The following KAT8 variants were observed in gnomAD, a reference collection of about 807,000 sequenced individuals.
KAT8 encodes histone acetyltransferase KAT8.
In KAT8, 40 loss-of-function variants were observed where a neutral mutation model predicts 62.9. The ratio of observed to expected loss-of-function variants is 0.64; its 90% CI spans 0.49 to 0.83. KAT8 has a LOEUF of 0.83. Ranked by LOEUF, KAT8 falls within the 40% of genes least tolerant of loss-of-function variation. KAT8 has a pLI of 0.00. For missense variants in KAT8, 387 were observed against 614.8 expected (o/e 0.63, Z 3.92); for synonymous variants, 278 against 254.5 (o/e 1.09, Z -0.88).
At chr16:31,129,506 G>T (rs532214293) in intron 6 of KAT8, among the ~76,000 whole-genome samples, 2 of 152,244 alleles carry the variant, frequency 1.3e-5, no homozygotes, top group Middle Eastern at 3.4e-3. Flanking sequence ...AAACCAGGGA[G>T]CCCCTTAGTG....
At chr16:31,129,465 G>A (rs928751206) in intron 6 of KAT8, among the ~76,000 whole-genome samples, 2 of 152,176 alleles carry the variant, frequency 1.3e-5, no homozygotes, top group Admixed American at 1.3e-4. Flanking sequence ...CACAGCTGCC[G>A]GGTTGGATGA....
chr16:31,119,920 A>G (rs888858541), intron 1 of KAT8, among the ~76,000 whole-genome samples: 2 of 151,394 alleles, frequency 1.3e-5, no homozygotes, highest in African/African-American at 4.9e-5. Context: ...GCCTCAAGTG[A>G]TCTGCCCATC....
At chr16:31,126,510 CAGG>C (rs1205932214) in intron 3 of KAT8, 1 of 162,732 alleles carries the variant, frequency 6.1e-6, no homozygotes, top group Admixed American at 6.0e-5. Flanking sequence ...ATGAGCAACC[CAGG>C]AGGAGGCGCA....
chr16:31,131,054 T>C, intron 10 of KAT8, 141 bp from the exon 11 acceptor site: 1 of 1,502,696 alleles, frequency 6.7e-7, no homozygotes, highest in Non-Finnish European at 8.9e-7. Context: ...ATTCCTGGGC[T>C]TCCCTACCCC....
At chr16:31,120,708 T>G (rs1596818107) in intron 3 of KAT8, 194 bp downstream of exon 3, 1 of 553,156 alleles carries the variant, frequency 1.8e-6, no homozygotes, top group East Asian at 2.9e-5. Flanking sequence ...AGGGCTTCGC[T>G]GCAGTCTCAC....
chr16:31,117,828 C>G lies in KAT8; in HGVS notation c.147C>G (p.Gly49=). 1.4e-6 allele frequency: 2 copies of G among 1,439,502 alleles called. No individual in the cohort carries two copies. Among genetic ancestry groups the G allele is most frequent in the Non-Finnish European group, 1.8e-6 (2 of 1,086,608 alleles). 89.2% of individuals were successfully genotyped at this position (1,439,502 alleles called of 1,614,324 possible). A position where few individuals can be genotyped will look rare whatever the true frequency, so the allele number is the denominator to read the frequency against. Reference sequence around the variant, plus strand: ...TCTCTCCGCCGACCCCGGCGCGCGGCGAGCCGGAAGTCACGGTGGAGATCG... The same window carrying G: ...TCTCTCCGCCGACCCCGGCGCGCGGGGAGCCGGAAGTCACGGTGGAGATCG... ...GRVSPPTPAR[G]EPEVTVEIGE... is the part of the protein sequence containing the mutation. The change falls in exon 1 of 11, where the codon GGC becomes GGG. Residue 49 remains glycine, a synonymous_variant. Transcript: ENST00000219797.
chr16:31,130,540 A>G lies in KAT8; in HGVS notation c.1091A>G (p.Tyr364Cys), dbSNP rs1455367442. The change falls in exon 9 of 11, where the codon TAC becomes TGC. Residue 364 changes from tyrosine to cysteine, a missense_variant. By Grantham distance (194) the Tyr-to-Cys change is radical. Transcript: ENST00000219797. ...SDLGKLSYRS[Y>C]WSWVLLEILR... The stretch of plus-strand genomic sequence containing the variant: ...CTGGGCAAGCTCAGCTACCGCAGCT[A>G]CTGGTCCTGGGTGCTGCTAGAGATC... 6.2e-7 allele frequency: 1 copy of G among 1,614,022 alleles called. No individual in the cohort carries two copies. Among genetic ancestry groups the G allele is most frequent in the Non-Finnish European group, 8.5e-7 (1 of 1,179,976 alleles).
intron 1 of KAT8, among the ~76,000 whole-genome samples, chr16:31,118,914 C>T (rs2057472273): frequency 7.2e-6 from 1 of 139,464 alleles, no homozygotes. Context: ...GACAGGATCT[C>T]GCTCTGTCAC....
In KAT8 at chr16:31,130,180, G is replaced by A; in HGVS notation, c.912+23G>A. The A allele has an allele frequency of 1.9e-6, 3 of 1,608,668 alleles. No individual in the cohort carries two copies. The Middle Eastern group carries it at 5.0e-4, about 267-fold the overall frequency. ...AAGGTGCTGGGTCTGGAAACTCGGG[G>A]TGGGGAGGGTGGGGAGGGCGAAGGT... On this transcript the variant is annotated intron_variant, in intron 7 of 10. Coordinates refer to ENST00000219797, the MANE Select transcript of KAT8 (RefSeq NM_032188.3).
chr16:31,118,621 C>T (rs1978487), intron 1 of KAT8: 88,641 of 151,846 alleles, frequency 0.58, 26,761 homozygotes, highest in South Asian at 0.82. Context: ...TTTTTTCCTA[C>T]CTCAGTCATA....
intron 6 of KAT8, 63 bp downstream of exon 6, chr16:31,128,202 T>C: frequency 7.9e-7 from 1 of 1,272,462 alleles, no homozygotes. Context: ...CAGATGATCC[T>C]CATCACCACC....
chr16:31,120,543 A>G (rs886525227), intron 3 of KAT8, 29 bp downstream of exon 3: 12 of 1,584,320 alleles, frequency 7.6e-6, no homozygotes, highest in Non-Finnish European at 9.5e-6. Context: ...CCACGGGCCC[A>G]GGAGGCCCAG....
intron 6 of KAT8, 50 bp from the exon 7 acceptor site, chr16:31,129,967 T>A (rs1366266342): frequency 1.6e-5 from 25 of 1,601,054 alleles, no homozygotes; most frequent in Non-Finnish European, 2.0e-5. Context: ...ACCAGCTGGG[T>A]GGGGCCTGTG....
At chr16:31,127,841 G>A (rs1311577849) in intron 5 of KAT8, among the ~76,000 whole-genome samples, 1 of 152,198 alleles carries the variant, frequency 6.6e-6, no homozygotes, top group African/African-American at 2.4e-5. Flanking sequence ...CCACCGTGCT[G>A]TGTGATGTTT....
chr16:31,128,628 G>T (rs1342884696), intron 6 of KAT8, among the ~76,000 whole-genome samples: 2 of 152,190 alleles, frequency 1.3e-5, no homozygotes, highest in Non-Finnish European at 2.9e-5. Context: ...GGGCCTTGTG[G>T]TGGCCCCAAG....
chr16:31,129,091 G>A (rs893152484), intron 6 of KAT8, among the ~76,000 whole-genome samples: 1 of 152,228 alleles, frequency 6.6e-6, no homozygotes, highest in Non-Finnish European at 1.5e-5. Flanking sequence ...CATAAGACGG[G>A]AGTCATAATA....
rs1236307032 is a variant in KAT8, at chr16:31,127,169, C to T, written c.517-20C>T. 4 of 1,614,222 alleles carry T rather than the reference C, an allele frequency of 2.5e-6. No individual in the cohort carries two copies. Among genetic ancestry groups the T allele is most frequent in the Non-Finnish European group, 3.4e-6 (4 of 1,180,024 alleles). ...CCCTGCTGAGCCGTGCACTGTGCCTCACTCCCACCCTGCCTGCAGATCACC... is the reference window on the plus strand; with the variant it reads ...CCCTGCTGAGCCGTGCACTGTGCCTTACTCCCACCCTGCCTGCAGATCACC... On this transcript the variant is annotated intron_variant, in intron 4 of 10. Transcript: ENST00000219797.
rs2057566067 is a variant in KAT8, at chr16:31,130,255, T to C, written c.913-12T>C. 6.2e-7 allele frequency: 1 copy of C among 1,613,836 alleles called. No homozygotes were observed. The highest frequency in any genetic ancestry group is 1.7e-5 in the Admixed American group (1 of 60,000). On this transcript the variant is annotated splice_polypyrimidine_tract_variant and intron_variant, in intron 7 of 10. Transcript: ENST00000219797. Reference sequence around the variant, plus strand: ...AGCCTCCCCAGCGGCCCTGAGCACCTGCCTCCTGCAGGAGAAGGAGTCCCC... The same window carrying C: ...AGCCTCCCCAGCGGCCCTGAGCACCCGCCTCCTGCAGGAGAAGGAGTCCCC...
intron 3 of KAT8, among the ~76,000 whole-genome samples, chr16:31,123,032 A>C (rs2057508353): frequency 6.8e-6 from 1 of 147,548 alleles, no homozygotes; most frequent in African/African-American, 2.5e-5. Context: ...AAAATACAAA[A>C]ATTAGCCGGG....
Sources: gnomAD v4.1 joint callset for allele counts (sites outside exome capture counted in the v4.1 genomes callset) on GRCh38, gnomAD v4.1.1 for gene constraint, MANE v1.5 for transcripts, NCBI Gene and HGNC (gene_info 2026-07-23, HGNC 2026-07-21) for gene names.